The following CLUH variants were observed in gnomAD, a reference collection of about 807,000 sequenced individuals.
CLUH encodes clustered mitochondria protein homolog.
A neutral mutation model predicts 139.3 loss-of-function variants in CLUH; 77 were observed. The ratio of observed to expected loss-of-function variants is 0.55; its 90% CI spans 0.46 to 0.67. The LOEUF (loss-of-function observed/expected upper bound fraction) is 0.67, where lower values mean the gene tolerates loss of function less well. Among genes scored for constraint, CLUH ranks in the 30% least tolerant of loss-of-function variants. The pLI, the probability that CLUH is intolerant of heterozygous loss-of-function variation, is 0.00. For synonymous variants in CLUH, 999 were observed against 801.6 expected (o/e 1.25, Z -4.16); for missense variants, 1,876 against 1,875.8 (o/e 1.00, Z 0.00).
chr17:2,710,668 A>G (rs1362835521), intron 1 of CLUH, among the ~76,000 whole-genome samples: 1 of 152,130 alleles, frequency 6.6e-6, no homozygotes, highest in Non-Finnish European at 1.5e-5. Flanking sequence ...TGGAGGGAAC[A>G]GAAGGAAGAG....
At chr17:2,699,979 A>G (rs1479608537) in intron 9 of CLUH, among the ~76,000 whole-genome samples, 1 of 152,112 alleles carries the variant, frequency 6.6e-6, no homozygotes, top group Non-Finnish European at 1.5e-5. Context: ...TCTCTTAGTA[A>G]CCCAGCACTA....
At chr17:2,700,345 G>A (rs919048026) in intron 9 of CLUH, 37 bp downstream of exon 9, 17 of 1,566,650 alleles carry the variant, frequency 1.1e-5, no homozygotes, top group Non-Finnish European at 1.4e-5. Flanking sequence ...GGTGGACAGC[G>A]GGCCTCAGAC....
chr17:2,708,057 C>T, intron 1 of CLUH: 7 of 960,384 alleles, frequency 7.3e-6, no homozygotes, highest in Non-Finnish European at 8.7e-6. Flanking sequence ...CAGCAAGAGG[C>T]CAGTGGCCGC....
At chr17:2,701,018 G>T in intron 7 of CLUH, 122 bp downstream of exon 7, 2 of 1,532,288 alleles carry the variant, frequency 1.3e-6, no homozygotes, top group Non-Finnish European at 1.8e-6. Flanking sequence ...CCTAGAGCGG[G>T]GACTCCAACA....
rs757832409 is a variant in CLUH at position 2,706,245 on chromosome 17, C to T, written c.101-1681G>A. ...GAGGCCAGTACGGAAAGGCAGAGACCGGGGGGCCTGGAGAGAGTCGCTCCC... is the reference window on the plus strand; with the variant it reads ...GAGGCCAGTACGGAAAGGCAGAGACTGGGGGGCCTGGAGAGAGTCGCTCCC... On this transcript the variant is annotated intron_variant, in intron 1 of 25. Transcript: ENST00000651024. The surrounding 1 kb of genome is among the most constrained non-coding windows in gnomAD (Gnocchi z 4.6). 1.4e-4 allele frequency among the ~76,000 whole-genome samples: 22 copies of T among 152,162 alleles called. No individual in the cohort carries two copies. Among genetic ancestry groups the T allele is most frequent in the Non-Finnish European group, 2.6e-4 (18 of 67,996 alleles).
chr17:2,702,125 A>T, intron 3 of CLUH, 68 bp from the exon 4 acceptor site: 1 of 1,560,196 alleles, frequency 6.4e-7, no homozygotes, highest in Non-Finnish European at 8.7e-7. Context: ...GCCCAGCACA[A>T]AACAGGTTTT....
chr17:2,700,667 G>C lies in CLUH; in HGVS notation c.1173+11C>G. The C allele has an allele frequency of 6.6e-7, 1 of 1,519,146 alleles. No individual in the cohort carries two copies. The highest frequency in any genetic ancestry group is 1.4e-5 in the African/African-American group (1 of 72,144). 94.1% of individuals were successfully genotyped at this position (1,519,146 alleles called of 1,614,324 possible). The stretch of plus-strand genomic sequence containing the variant: ...GGGTGCCCAGCGAGGGCAGGGCCAG[G>C]TTGCAGGCACCTGTCCAGGAATGTG... On this transcript the variant is annotated intron_variant, in intron 8 of 25. Transcript: ENST00000651024.
Position 2,695,068 on chromosome 17 carries a change from T to C in CLUH, c.2641A>G (p.Ser881Gly). 2 of 1,612,668 alleles carry C rather than the reference T, an allele frequency of 1.2e-6. No individual in the cohort carries two copies. ...CTCAGGAAGCAGTTCAGGAAGTGGC[T>C]GATGGCGGCTGAGAGGCCGGAGAGC... ...VELSGLSAAI[S>G]HFLNCFLSSY... Residue 881 changes from serine (S) to glycine (G), a missense_variant, in exon 16 of 26, where the codon AGC becomes GGC. By Grantham distance (56) the Ser-to-Gly change is moderately conservative. Around this residue, in one of 3 missense-constraint regions of CLUH, gnomAD observed 1,454 missense variants for 1,384.4 expected, o/e 1.05. Transcript: ENST00000651024.
rs774604420 is a variant in CLUH, at chr17:2,691,590, A to C, written c.3863+19T>G. On this transcript the variant is annotated intron_variant, in intron 25 of 25. Coordinates refer to ENST00000651024, the MANE Select transcript of CLUH (RefSeq NM_001366661.1). ...AAAACCCCCAACCGGGAGACACTCG[A>C]GTGGGGCGGAGGCCTCACCTGAGAG... The C allele has an allele frequency of 1.2e-6, 2 of 1,608,166 alleles. No homozygotes were observed. The highest frequency in any genetic ancestry group is 2.2e-5 in the East Asian group (1 of 44,720).
rs1052966322 is a variant in CLUH, at chr17:2,698,031, G to A, written c.1826C>T (p.Pro609Leu). Residue 609 changes from proline (P) to leucine (L), a missense_variant, in exon 10 of 26, where the codon CCC becomes CTC. Coordinates refer to ENST00000651024, the MANE Select transcript of CLUH (RefSeq NM_001366661.1). ...CACGGGCAGGAAGTTGAGGTCCGGG[G>A]GGAAGGTGCGCAGCAGGTCGAGGAT... is the stretch of plus-strand genomic sequence containing the variant. Reference protein sequence around the residue: ...HYILDLLRTFPPDLNFLPVPG... With the variant: ...HYILDLLRTFLPDLNFLPVPG... 1.2e-6 allele frequency: 2 copies of A among 1,605,550 alleles called. No homozygotes were observed. Among genetic ancestry groups the A allele is most frequent in the Non-Finnish European group, 8.5e-7 (1 of 1,179,036 alleles).
At chr17:2,695,339 A>G in intron 14 of CLUH, 35 bp downstream of exon 14, 1 of 1,613,126 alleles carries the variant, frequency 6.2e-7, no homozygotes, top group Non-Finnish European at 8.5e-7. Flanking sequence ...CCAGTCCCAC[A>G]GCTCCCGTTC....
intron 16 of CLUH, 36 bp downstream of exon 16, chr17:2,694,821 A>AAACCCCCCCC: frequency 1.1e-5 from 16 of 1,446,324 alleles, no homozygotes; most frequent in African/African-American, 1.4e-5. Flanking sequence ...CATCTGCCCA[A>AAACCCCCCCC]TCCCACCCAC....
chr17:2,697,280 T>C (rs1486635285), intron 10 of CLUH, among the ~76,000 whole-genome samples: 3 of 151,736 alleles, frequency 2.0e-5, no homozygotes, highest in African/African-American at 7.3e-5. Context: ...ACGCCTGTAA[T>C]ACCAGCTATT....
Position 2,703,396 on chromosome 17 carries a change from C to T in CLUH, c.397G>A (p.Gly133Ser). 6.2e-7 allele frequency: 1 copy of T among 1,613,690 alleles called. No homozygotes were observed. Among genetic ancestry groups the T allele is most frequent in the Non-Finnish European group, 8.5e-7 (1 of 1,179,850 alleles). ...TCCGAGAAGTGGTCCAGCACGTTGC[C>T]ATCCAGGTGCAGTGAGAAGCAGGTG... Reference protein sequence around the residue: ...HRTCFSLHLDGNVLDHFSELR... With the variant: ...HRTCFSLHLDSNVLDHFSELR... Residue 133 changes from glycine (G) to serine (S), a missense_variant, in exon 3 of 26, where the codon GGC becomes AGC. Around this residue, in one of 3 missense-constraint regions of CLUH, gnomAD observed 270 missense variants for 354.7 expected, o/e 0.76. Coordinates refer to ENST00000651024, the MANE Select transcript of CLUH (RefSeq NM_001366661.1). This position sits in a 1 kb window ranked among gnomAD's most constrained non-coding sequence, Gnocchi z 4.2.
chr17:2,711,456 C>T (rs139556956), intron 1 of CLUH, 106 bp downstream of exon 1: 4 of 242,184 alleles, frequency 1.7e-5, no homozygotes, highest in Non-Finnish European at 2.0e-5. Flanking sequence ...GAGATACAAC[C>T]GGGCCCGACG....
intron 1 of CLUH, among the ~76,000 whole-genome samples, chr17:2,709,182 C>T (rs569793534): frequency 6.6e-6 from 1 of 152,164 alleles, no homozygotes; most frequent in Non-Finnish European, 1.5e-5. Flanking sequence ...AAGCCAGGCA[C>T]AATCTCACTC....
intron 9 of CLUH, among the ~76,000 whole-genome samples, chr17:2,699,910 A>T (rs1263871443): frequency 6.6e-6 from 1 of 152,192 alleles, no homozygotes. Flanking sequence ...GATTACAGGC[A>T]TGAGCTACTG....
Position 2,701,717 on chromosome 17 carries a change from C to A in CLUH, c.640G>T (p.Gly214Cys), listed in dbSNP as rs2070187539. Residue 214 changes from glycine to cysteine, a missense_variant, in exon 5 of 26, where the codon GGC becomes TGC. Gly to Cys is a radical substitution (Grantham distance 159). Around this residue, in one of 3 missense-constraint regions of CLUH, gnomAD observed 270 missense variants for 354.7 expected, o/e 0.76. Coordinates refer to ENST00000651024, the MANE Select transcript of CLUH (RefSeq NM_001366661.1). ...CAGTCGATGGGGTCCATCTCCAAGC[C>A]CTTCTTCCGCTTCCCGCTGTCTGAG... ...DLGDSGKRKK[G>C]LEMDPIDCTP... is the part of the protein sequence containing the mutation. The A allele has an allele frequency of 5.1e-6, 8 of 1,572,820 alleles. No individual in the cohort carries two copies. Among genetic ancestry groups the A allele is most frequent in the Non-Finnish European group, 6.9e-6 (8 of 1,159,362 alleles).
In CLUH at chr17:2,690,761, T is replaced by C. The variant is rs2151686087; in HGVS notation, c.3880A>G (p.Asn1294Asp). 1 of 1,517,780 alleles carries C rather than the reference T, an allele frequency of 6.6e-7. No homozygotes were observed. The highest frequency in any genetic ancestry group is 1.9e-4 in the Middle Eastern group (1 of 5,238). The allele number at this position is 1,517,780 out of a possible 1,614,324, so 94.0% of individuals were successfully genotyped here. ...CGCCGCGCCACCTCGGCTTTCAGAT[T>C]CTCCAGGTCTTTTTGGCTGAGGATA... Reference protein sequence around the residue: ...FIPLSQKDLENLKAEVARRHQ... With the variant: ...FIPLSQKDLEDLKAEVARRHQ... Residue 1294 changes from asparagine to aspartate, a missense_variant, in exon 26 of 26, where the codon AAT (asparagine) becomes GAT (aspartate). By Grantham distance (23) the Asn-to-Asp change is conservative (BLOSUM62 1). Around this residue, in one of 3 missense-constraint regions of CLUH, gnomAD observed 1,454 missense variants for 1,384.4 expected, o/e 1.05. Transcript: ENST00000651024.
Sources: allele counts gnomAD v4.1 joint callset (sites outside exome capture counted in the v4.1 genomes callset), GRCh38; gene constraint gnomAD v4.1.1; regional missense constraint gnomAD v4.1.1; non-coding constraint Gnocchi (gnomAD v3.1); transcripts MANE v1.5; gene names NCBI Gene and HGNC (gene_info 2026-07-23, HGNC 2026-07-21).